PID1: variants seen among roughly 807,000 people sequenced by gnomAD.
PID1 encodes the protein PTB-containing, cubilin and LRP1-interacting protein.
Under a neutral mutation model 19.1 loss-of-function variants are expected in PID1, and 10 were observed. The observed-to-expected ratio is 0.52, with a 90% CI of 0.32 to 0.89. The LOEUF is 0.89. PID1 is among the 40% of genes least tolerant of loss of function. The pLI is 0.03. For synonymous variants in PID1, 130 were observed against 116.0 expected (o/e 1.12, Z -0.78); for missense variants, 248 against 285.3 (o/e 0.87, Z 0.94).
chr2:229,189,172 C>T (rs974869419), intron 1 of PID1, among the ~76,000 whole-genome samples: 1 of 152,162 alleles, frequency 6.6e-6, no homozygotes, highest in African/African-American at 2.4e-5. Context: ...GAGTGCCTTT[C>T]AGTCAAGGGC....
chr2:229,050,333 T>C (rs1379027631), intron 2 of PID1, among the ~76,000 whole-genome samples: 2 of 152,194 alleles, frequency 1.3e-5, no homozygotes, highest in African/African-American at 4.8e-5. Context: ...GCTGTCAAAA[T>C]GTATAGCCTC....
intron 2 of PID1, among the ~76,000 whole-genome samples, chr2:229,040,023 C>G (rs1312503526): frequency 6.6e-6 from 1 of 150,846 alleles, no homozygotes; most frequent in Non-Finnish European, 1.5e-5. Context: ...GAATACATTA[C>G]AGTAAATCCA....
chr2:229,073,036 A>AT (rs949935200), intron 2 of PID1, among the ~76,000 whole-genome samples: 2 of 152,062 alleles, frequency 1.3e-5, no homozygotes, highest in East Asian at 1.9e-4. Flanking sequence ...TTATTTATTT[A>AT]TTTTTTTGAG....
intron 1 of PID1, among the ~76,000 whole-genome samples, chr2:229,182,374 A>G (rs539335992): frequency 1.1e-4 from 16 of 152,264 alleles, no homozygotes; most frequent in African/African-American, 2.9e-4. Context: ...CTGAGAACCT[A>G]AAACTGCTCT....
intron 2 of PID1, among the ~76,000 whole-genome samples, 163 bp from the exon 3 acceptor site, chr2:229,026,271 TTTC>T: frequency 6.6e-6 from 1 of 152,350 alleles, no homozygotes; most frequent in African/African-American, 2.4e-5. Flanking sequence ...ATTTCTACCT[TTTC>T]TCTCTAATGA....
At position 229,232,085 on chromosome 2, in the gene PID1, T is replaced by C. The variant is rs1040275544; in HGVS notation, c.30+38929A>G. On this transcript the variant is annotated intron_variant, in intron 1 of 2. Coordinates refer to ENST00000392055, the MANE Select transcript of PID1 (RefSeq NM_001100818.2). ...GAAGCCTCTTGTACAAGGCTTTTCA[T>C]TCCATTCAAGAGGGGAGGAGCCCTG... 5.3e-6 allele frequency: 8 copies of C among 1,506,842 alleles called. No individual in the cohort carries two copies. The African/African-American group carries it at 7.1e-5, about 13-fold the overall frequency. The allele number at this position is 1,506,842 out of a possible 1,614,324, so 93.3% of individuals were successfully genotyped here.
At chr2:229,134,660 T>G (rs1016082757) in intron 2 of PID1, among the ~76,000 whole-genome samples, 1 of 152,234 alleles carries the variant, frequency 6.6e-6, no homozygotes. Flanking sequence ...TGATAATAAC[T>G]GTTCTAACTT....
At chr2:229,031,876 A>C (rs1035796381) in intron 2 of PID1, among the ~76,000 whole-genome samples, 2 of 152,218 alleles carry the variant, frequency 1.3e-5, no homozygotes, top group Non-Finnish European at 2.9e-5. Context: ...TTCTCCCATT[A>C]AATTCTCCAG....
intron 1 of PID1, among the ~76,000 whole-genome samples, chr2:229,249,027 C>A (rs1395831866): frequency 6.6e-6 from 1 of 152,142 alleles, no homozygotes; most frequent in Admixed American, 6.5e-5. Flanking sequence ...GAAAGCCCAC[C>A]AGAAAACAGA....
chr2:229,255,477 G>T (rs1456212300), intron 1 of PID1, among the ~76,000 whole-genome samples: 2 of 152,156 alleles, frequency 1.3e-5, no homozygotes, highest in African/African-American at 4.8e-5. Flanking sequence ...CACCATTATG[G>T]ATGTTTTTCA....
intron 1 of PID1, among the ~76,000 whole-genome samples, chr2:229,205,350 T>C (rs16825859): frequency 0.038 from 5,757 of 152,160 alleles, 392 homozygotes; most frequent in African/African-American, 0.13. Context: ...TATGAATCAC[T>C]AAGTAATCTT....
chr2:229,026,793 G>C (rs1693433699), intron 2 of PID1, among the ~76,000 whole-genome samples: 1 of 152,222 alleles, frequency 6.6e-6, no homozygotes, highest in Non-Finnish European at 1.5e-5. Flanking sequence ...AGAATCAAGA[G>C]TAGAATGCTG....
At chr2:229,114,802 C>T (rs1695377791) in intron 2 of PID1, among the ~76,000 whole-genome samples, 1 of 152,126 alleles carries the variant, frequency 6.6e-6, no homozygotes. Context: ...CTATGAGCTC[C>T]CTGAAACAAA....
At chr2:229,232,187 GC>G in intron 1 of PID1, 1 of 1,325,656 alleles carries the variant, frequency 7.5e-7, no homozygotes, top group Non-Finnish European at 9.9e-7. Context: ...ACTCTGGGAG[GC>G]CGAGACAGTC....
At chr2:229,095,050 A>C (rs984605805) in intron 2 of PID1, among the ~76,000 whole-genome samples, 2 of 152,168 alleles carry the variant, frequency 1.3e-5, no homozygotes, top group Non-Finnish European at 2.9e-5. Flanking sequence ...ATTAACTAAC[A>C]TGCCAAAGAC....
At chr2:229,226,060 C>T (rs926276510) in intron 1 of PID1, among the ~76,000 whole-genome samples, 3 of 152,228 alleles carry the variant, frequency 2.0e-5, no homozygotes, top group Non-Finnish European at 4.4e-5. Flanking sequence ...TATTAATTCC[C>T]TTAATCCTAG....
At chr2:229,110,898 C>T (rs1027037781) in intron 2 of PID1, among the ~76,000 whole-genome samples, 15 of 152,206 alleles carry the variant, frequency 9.9e-5, no homozygotes, top group South Asian at 2.1e-4. Flanking sequence ...GCTATGTCCC[C>T]ACTCGAATCT....
At chr2:229,028,108 CA>C (rs1178175795) in intron 2 of PID1, among the ~76,000 whole-genome samples, 2 of 152,166 alleles carry the variant, frequency 1.3e-5, no homozygotes, top group Non-Finnish European at 2.9e-5. Flanking sequence ...TATTGCAGGA[CA>C]AAAACTAACA....
chr2:229,160,696 A>C (rs760574735), intron 1 of PID1, among the ~76,000 whole-genome samples: 1 of 152,142 alleles, frequency 6.6e-6, no homozygotes, highest in Non-Finnish European at 1.5e-5. Context: ...GAGACTAAGA[A>C]AATATTTGAG....
Sources: allele counts gnomAD v4.1 joint callset (sites outside exome capture counted in the v4.1 genomes callset), GRCh38; gene constraint gnomAD v4.1.1; transcripts MANE v1.5; gene names NCBI Gene and HGNC (gene_info 2026-07-23, HGNC 2026-07-21).